TNS1: variants seen among roughly 807,000 people sequenced by gnomAD.
The protein encoded by TNS1 is tensin-1.
A neutral mutation model predicts 168.6 loss-of-function variants in TNS1; 62 were observed. That is an observed-to-expected ratio of 0.37 (90% CI 0.30 to 0.45). TNS1 has a LOEUF of 0.45. Among genes scored for constraint, TNS1 ranks in the 20% least tolerant of loss-of-function variants. TNS1 has a pLI of 1.00. For missense variants in TNS1, 2,240 were observed against 2,339.4 expected (o/e 0.96, Z 0.88); for synonymous variants, 934 against 933.2 (o/e 1.00, Z -0.02).
chr2:217,892,817 C>T (rs1037143412), intron 11 of TNS1, 131 bp downstream of exon 11: 4 of 1,050,386 alleles, frequency 3.8e-6, no homozygotes, highest in Non-Finnish European at 5.5e-6. Flanking sequence ...CCCCTTCCCC[C>T]GTCCTCATCG....
At chr2:217,870,434 A>G (rs917704231) in intron 18 of TNS1, among the ~76,000 whole-genome samples, 1 of 152,246 alleles carries the variant, frequency 6.6e-6, no homozygotes, top group South Asian at 2.1e-4. Flanking sequence ...GGTGAGTAAG[A>G]AAAAGTATTT....
At chr2:217,816,910 G>A (rs927113208) in intron 24 of TNS1, among the ~76,000 whole-genome samples, 9 of 152,150 alleles carry the variant, frequency 5.9e-5, no homozygotes, top group African/African-American at 1.9e-4. Context: ...AACATCCAGG[G>A]CCACTGTGCA....
chr2:217,991,478 C>T (rs933850888), intron 1 of TNS1, among the ~76,000 whole-genome samples: 5 of 152,140 alleles, frequency 3.3e-5, no homozygotes, highest in Admixed American at 2.0e-4. Context: ...AGTGTCCCCT[C>T]GCCCCAAGGT....
At chr2:217,983,595 C>G (rs578009704) in intron 2 of TNS1, among the ~76,000 whole-genome samples, 1 of 152,236 alleles carries the variant, frequency 6.6e-6, no homozygotes, top group African/African-American at 2.4e-5. Context: ...TCCTGCCTCT[C>G]GGGAACACAG....
At chr2:217,810,044 A>G in intron 29 of TNS1, 53 bp from the exon 30 acceptor site, 2 of 1,575,596 alleles carry the variant, frequency 1.3e-6, no homozygotes, top group Non-Finnish European at 1.7e-6. Context: ...GGGTGAGGAC[A>G]TTAACCCAGA....
rs1347301802 is a variant in TNS1 at position 217,814,845 on chromosome 2, C to T, written c.4729+67G>A. ...GGACTGAATTTGCCTCTGTTCCTTG[C>T]CCAGGGAAGACACAGCAGGCCTCAG... is the stretch of plus-strand genomic sequence containing the variant. On this transcript the variant is annotated intron_variant, in intron 25 of 32. Transcript: ENST00000682258. The T allele has an allele frequency of 3.6e-6, 5 of 1,400,826 alleles. No individual in the cohort carries two copies. The South Asian group carries it at 3.6e-5, about 10-fold the overall frequency. 86.8% of individuals were successfully genotyped at this position (1,400,826 alleles called of 1,614,324 possible).
At chr2:217,836,344 T>C (rs1320843643) in intron 19 of TNS1, 133 bp from the exon 20 acceptor site, 9 of 848,874 alleles carry the variant, frequency 1.1e-5, no homozygotes, top group African/African-American at 3.4e-5. Context: ...CATCCCCCAT[T>C]GTCTTCCCCT....
At chr2:217,993,280 A>G (rs114214545) in intron 1 of TNS1, among the ~76,000 whole-genome samples, 3,124 of 152,322 alleles carry the variant, frequency 0.021, 100 homozygotes, top group African/African-American at 0.071. Flanking sequence ...AAAATTTGAT[A>G]AGGCACAAGA....
At position 217,970,725 on chromosome 2, in the gene TNS1, T is replaced by C. The variant is rs76411996; in HGVS notation, c.186+8040A>G. Among the ~76,000 whole-genome samples, 565 of 151,860 alleles carry C rather than the reference T, an allele frequency of 3.7e-3. 8 individuals are homozygous for C. The highest frequency in any genetic ancestry group is 0.031 in the East Asian group (161 of 5,160). On this transcript the variant is annotated intron_variant, in intron 3 of 32. Transcript: ENST00000682258. ...TTGCTGGGGTGAGGTCGGGGAGAGATAGAGGGATTAGGGGTTCAAGCTAAA... is the reference window on the plus strand; with the variant it reads ...TTGCTGGGGTGAGGTCGGGGAGAGACAGAGGGATTAGGGGTTCAAGCTAAA...
intron 3 of TNS1, among the ~76,000 whole-genome samples, chr2:217,952,138 G>C (rs1033181795): frequency 6.6e-6 from 1 of 152,180 alleles, no homozygotes; most frequent in Non-Finnish European, 1.5e-5. Flanking sequence ...ACAGGCGGCC[G>C]GAGGGAGAGA....
At chr2:217,984,598 C>T (rs907082155) in intron 2 of TNS1, among the ~76,000 whole-genome samples, 8 of 152,068 alleles carry the variant, frequency 5.3e-5, no homozygotes, top group African/African-American at 1.9e-4. Context: ...AAGTGATCCT[C>T]CCACCTCAGC....
intron 6 of TNS1, among the ~76,000 whole-genome samples, chr2:217,906,120 T>C (rs2125787703): frequency 6.6e-6 from 1 of 152,280 alleles, no homozygotes; most frequent in South Asian, 2.1e-4. Context: ...GCGCAGTCGC[T>C]GATGAATGAG....
In TNS1 at chr2:217,978,643, A is replaced by G. The variant is rs575819204; in HGVS notation, c.186+122T>C. 5 of 593,646 alleles carry G rather than the reference A, an allele frequency of 8.4e-6. No individual in the cohort carries two copies. In the East Asian group the frequency reaches 1.2e-4, roughly 14 times the overall value. The allele number at this position is 593,646 out of a possible 1,614,324, so 36.8% of individuals were successfully genotyped here. The stretch of plus-strand genomic sequence containing the variant: ...CAGGCCCAGGCGCTTTGCATAAACA[A>G]AGAGAGGAGGAGGGACGCCCCGGGC... On this transcript the variant is annotated intron_variant, in intron 3 of 32. Coordinates refer to ENST00000682258, the MANE Select transcript of TNS1 (RefSeq NM_001387777.1).
At chr2:217,808,764 T>C (rs1939759835) in intron 30 of TNS1, 93 bp from the exon 31 acceptor site, 4 of 1,157,848 alleles carry the variant, frequency 3.5e-6, no homozygotes, top group East Asian at 4.7e-5. Flanking sequence ...CTTTCCACCA[T>C]CTGTGGCTAT....
upstream of TNS1, among the ~76,000 whole-genome samples, chr2:218,011,495 G>A (rs914039285): frequency 1.2e-4 from 18 of 152,156 alleles, no homozygotes; most frequent in Non-Finnish European, 2.4e-4. Flanking sequence ...AGCGCCACTG[G>A]AGCCCAGCCA....
chr2:218,014,305 C>T (rs1035091228), upstream of TNS1, among the ~76,000 whole-genome samples: 1 of 152,184 alleles, frequency 6.6e-6, no homozygotes, highest in African/African-American at 2.4e-5. Context: ...ACCTCTCCCC[C>T]ACCCGCTGGA....
intron 3 of TNS1, among the ~76,000 whole-genome samples, chr2:217,931,128 C>A (rs1457104129): frequency 2.0e-5 from 3 of 152,120 alleles, no homozygotes; most frequent in African/African-American, 7.2e-5. Context: ...ACTTGTGGCC[C>A]GGTGGGGGAG....
chr2:217,923,732 C>T (rs1955858767), intron 3 of TNS1, among the ~76,000 whole-genome samples: 1 of 152,164 alleles, frequency 6.6e-6, no homozygotes, highest in Non-Finnish European at 1.5e-5. Context: ...ATGCTATTAC[C>T]CCCAATTCAC....
In TNS1 at chr2:217,860,472, A is replaced by G. The variant is rs12471738; in HGVS notation, c.1430-11385T>C. ...GGGAAGACCACAGTTTGGACAAACT[A>G]TTGCAATTATCCTCCTACCTCCATA... On this transcript the variant is annotated intron_variant, in intron 18 of 32. Coordinates refer to ENST00000682258, the MANE Select transcript of TNS1 (RefSeq NM_001387777.1). 3.7e-3 allele frequency among the ~76,000 whole-genome samples: 563 copies of G among 152,182 alleles called. 2 individuals carry two copies. The highest frequency in any genetic ancestry group is 0.013 in the African/African-American group (541 of 41,470).
Sources: gnomAD v4.1 joint callset for allele counts (sites outside exome capture counted in the v4.1 genomes callset) on GRCh38, gnomAD v4.1.1 for gene constraint, MANE v1.5 for transcripts, NCBI Gene and HGNC (gene_info 2026-07-23, HGNC 2026-07-21) for gene names.